Variants in CRTAM observed in about 807,000 individuals in gnomAD.
CRTAM encodes the protein cytotoxic and regulatory T-cell molecule.
CRTAM carries 44 observed loss-of-function variants against 50.0 expected under a neutral mutation model. The observed-to-expected ratio is 0.88, with a 90% confidence interval of 0.69 to 1.13. CRTAM has a LOEUF of 1.13. Ranked by LOEUF, CRTAM falls within the 50% of genes most tolerant of loss-of-function variation. The pLI, the probability that CRTAM is intolerant of heterozygous loss-of-function variation, is 0.00. For missense variants in CRTAM, 448 were observed against 457.5 expected (o/e 0.98, Z 0.19); for synonymous variants, 159 against 169.3 (o/e 0.94, Z 0.47).
chr11:122,850,056 C>T lies in CRTAM; in HGVS notation c.47-12C>T, dbSNP rs1271585218. 2 of 1,585,686 alleles carry T rather than the reference C, an allele frequency of 1.3e-6. No homozygotes were observed. Among genetic ancestry groups the T allele is most frequent in the East Asian group, 2.3e-5 (1 of 44,326 alleles). On this transcript the variant is annotated splice_polypyrimidine_tract_variant and intron_variant, in intron 1 of 9. Transcript: ENST00000227348. ...CCCCGGCCTGATCATCCCCATTTCT[C>T]TTCCTCCACAGAGGCCTCTCTGACT...
intron 1 of CRTAM, among the ~76,000 whole-genome samples, chr11:122,846,804 AC>A (rs531373195): frequency 6.8e-4 from 103 of 152,290 alleles, no homozygotes; most frequent in African/African-American, 2.4e-3. Context: ...ATTTAGATTT[AC>A]TGCGACTGGA....
At chr11:122,856,892 A>G (rs1190970559) in intron 5 of CRTAM, among the ~76,000 whole-genome samples, 1 of 151,910 alleles carries the variant, frequency 6.6e-6, no homozygotes, top group East Asian at 1.9e-4. Context: ...AACCTTACAC[A>G]ACCACCCCCA....
intron 1 of CRTAM, among the ~76,000 whole-genome samples, chr11:122,846,554 A>G (rs11218860): frequency 0.015 from 2,331 of 152,240 alleles, 72 homozygotes; most frequent in African/African-American, 0.053. Context: ...CTCCCAAAGT[A>G]CTGGAATACA....
chr11:122,858,662 T>C (rs769456022), intron 5 of CRTAM, among the ~76,000 whole-genome samples: 16 of 152,118 alleles, frequency 1.1e-4, no homozygotes, highest in Non-Finnish European at 2.2e-4. Context: ...CCTGGGTAGC[T>C]GGGACTACAG....
intron 9 of CRTAM, among the ~76,000 whole-genome samples, chr11:122,870,442 A>C (rs1862239397): frequency 6.6e-6 from 1 of 152,208 alleles, no homozygotes; most frequent in Non-Finnish European, 1.5e-5. Flanking sequence ...CCAGAAAAGT[A>C]CATCTTCAGG....
chr11:122,869,865 T>C (rs927233366), intron 9 of CRTAM, among the ~76,000 whole-genome samples: 15 of 152,128 alleles, frequency 9.9e-5, no homozygotes, highest in Admixed American at 9.8e-4. Context: ...TGTGTGTAAA[T>C]AACATCCAAG....
At chr11:122,865,649 C>T (rs1266600268) in intron 7 of CRTAM, among the ~76,000 whole-genome samples, 8 of 152,066 alleles carry the variant, frequency 5.3e-5, no homozygotes, top group African/African-American at 1.2e-4. Flanking sequence ...CAATTTCTTT[C>T]CATTTTCTAT....
At chr11:122,869,727 T>C (rs1862230461) in intron 9 of CRTAM, among the ~76,000 whole-genome samples, 1 of 152,212 alleles carries the variant, frequency 6.6e-6, no homozygotes, top group Non-Finnish European at 1.5e-5. Context: ...GCTTGTCTTT[T>C]ATAACACCTC....
chr11:122,860,760 A>G (rs1318687742), intron 5 of CRTAM, among the ~76,000 whole-genome samples: 2 of 152,068 alleles, frequency 1.3e-5, no homozygotes, highest in African/African-American at 2.4e-5. Context: ...CTGGAGCGCA[A>G]TGGTGTAATC....
At chr11:122,850,844 C>T (rs751632225) in intron 2 of CRTAM, among the ~76,000 whole-genome samples, 6 of 152,238 alleles carry the variant, frequency 3.9e-5, no homozygotes, top group South Asian at 2.1e-4. Flanking sequence ...ATCTCTTTGA[C>T]GTTAGGCAGG....
chr11:122,862,031 C>A (rs1482109162), intron 5 of CRTAM, among the ~76,000 whole-genome samples: 1 of 152,098 alleles, frequency 6.6e-6, no homozygotes, highest in African/African-American at 2.4e-5. Context: ...AAAAAAAGTG[C>A]TAGGTCGGGT....
intron 9 of CRTAM, among the ~76,000 whole-genome samples, chr11:122,868,971 T>G (rs1444198882): frequency 6.6e-6 from 1 of 152,004 alleles, no homozygotes; most frequent in Non-Finnish European, 1.5e-5. Context: ...ATCGTGCCAC[T>G]GCACTCCAAC....
chr11:122,870,908 G>C (rs767434364), intron 9 of CRTAM, among the ~76,000 whole-genome samples: 1 of 151,908 alleles, frequency 6.6e-6, no homozygotes, highest in Non-Finnish European at 1.5e-5. Context: ...GTGAAACCCC[G>C]TCTCTACAAA....
chr11:122,838,588 G>T lies in CRTAM; in HGVS notation c.42G>T (p.Leu14Phe). The change falls in exon 1 of 10, where the codon TTG (leucine) becomes TTT (phenylalanine). Residue 14 changes from leucine to phenylalanine, a missense_variant. By Grantham distance (22) the Leu-to-Phe change is conservative (BLOSUM62 0). Transcript: ENST00000227348. ...TCAGCTTGCTGGCATGGTTCCCCTTGCAAGGTAAGGACTTAGAGTTATTTT... is the reference window on the plus strand; with the variant it reads ...TCAGCTTGCTGGCATGGTTCCCCTTTCAAGGTAAGGACTTAGAGTTATTTT... Reference protein sequence around the residue: ...RVLSLLAWFPLQEASLTNHTE... With the variant: ...RVLSLLAWFPFQEASLTNHTE... 14 of 1,614,128 alleles carry T rather than the reference G, an allele frequency of 8.7e-6. No homozygotes were observed. The highest frequency in any genetic ancestry group is 1.2e-5 in the Non-Finnish European group (14 of 1,179,960).
intron 5 of CRTAM, 150 bp downstream of exon 5, chr11:122,856,006 A>G (rs1862002519): frequency 1.6e-6 from 1 of 628,508 alleles, no homozygotes; most frequent in Non-Finnish European, 2.6e-6. Context: ...ACTGATTGAA[A>G]TTTCTCCAGG....
rs1367002080 is a variant in CRTAM at position 122,855,686 on chromosome 11, G to C, written c.491-9G>C. The C allele has an allele frequency of 6.2e-7, 1 of 1,613,416 alleles. No individual in the cohort carries two copies. Among genetic ancestry groups the C allele is most frequent in the African/African-American group, 1.3e-5 (1 of 74,900 alleles). On this transcript the variant is annotated splice_polypyrimidine_tract_variant and intron_variant, in intron 4 of 9. Transcript: ENST00000227348. ...TAAATAGCCATAACCTCTTCAAATT[G>C]CTACATAGGTGGAACGCTCCATGAA...
At chr11:122,855,619 A>G in intron 4 of CRTAM, 76 bp from the exon 5 acceptor site, 3 of 1,230,438 alleles carry the variant, frequency 2.4e-6, no homozygotes, top group Non-Finnish European at 3.5e-6. Flanking sequence ...CATGAAGTCA[A>G]GGCCATTGGC....
At chr11:122,846,973 CTCTT>C (rs1285706777) in intron 1 of CRTAM, among the ~76,000 whole-genome samples, 12 of 152,214 alleles carry the variant, frequency 7.9e-5, no homozygotes, top group Non-Finnish European at 8.8e-5. Flanking sequence ...TTGACACTGA[CTCTT>C]TCCACTTTTC....
chr11:122,870,745 C>T (rs975758193), intron 9 of CRTAM, among the ~76,000 whole-genome samples: 7 of 152,130 alleles, frequency 4.6e-5, no homozygotes, highest in African/African-American at 1.7e-4. Context: ...TTTTATTTCA[C>T]GTTTACCAGT....
Sources: gnomAD v4.1 joint callset for allele counts (sites outside exome capture counted in the v4.1 genomes callset) on GRCh38, gnomAD v4.1.1 for gene constraint, MANE v1.5 for transcripts, NCBI Gene and HGNC (gene_info 2026-07-23, HGNC 2026-07-21) for gene names.